Variants in CRB1 observed in about 807,000 individuals in gnomAD.
CRB1 encodes the protein protein crumbs homolog 1.
CRB1 carries 83 observed loss-of-function variants against 120.0 expected under a neutral mutation model. The observed-to-expected ratio is 0.69, with a 90% CI of 0.58 to 0.83. CRB1 has a LOEUF of 0.83. Among genes scored for constraint, CRB1 ranks in the 40% least tolerant of loss-of-function variants. The probability of loss-of-function intolerance (pLI) is 0.00; values close to 1 mark genes in which losing one functional copy is unlikely to be tolerated. For missense variants in CRB1, 1,699 were observed against 1,687.6 expected (o/e 1.01, Z -0.12); for synonymous variants, 625 against 612.5 (o/e 1.02, Z -0.30).
intron 6 of CRB1, among the ~76,000 whole-genome samples, chr1:197,424,741 G>T (rs138350174): frequency 6.6e-5 from 10 of 152,218 alleles, no homozygotes; most frequent in Middle Eastern, 6.8e-3. Context: ...TCTTATAAAC[G>T]CACATTTAGA....
At chr1:197,217,632 G>C in the CRB1 span, among the ~76,000 whole-genome samples, 1 of 152,112 alleles carries the variant, frequency 6.6e-6, no homozygotes, top group Admixed American at 6.6e-5. Context: ...TATAGAGTTG[G>C]AAAGTAGATT....
At chr1:197,260,268 T>A in the CRB1 span, among the ~76,000 whole-genome samples, 2 of 150,872 alleles carry the variant, frequency 1.3e-5, no homozygotes, top group African/African-American at 4.9e-5. Flanking sequence ...TTAAACAAAA[T>A]TTTTTTTTAT....
At chr1:197,265,336 T>G (rs1216524573), upstream of CRB1, among the ~76,000 whole-genome samples, 1 of 151,786 alleles carries the variant, frequency 6.6e-6, no homozygotes, top group Non-Finnish European at 1.5e-5. Context: ...CTTTTGTCCT[T>G]TCTTCCTTCC....
At chr1:197,265,932 A>C (rs996620857), upstream of CRB1, among the ~76,000 whole-genome samples, 1 of 152,150 alleles carries the variant, frequency 6.6e-6, no homozygotes, top group Non-Finnish European at 1.5e-5. Flanking sequence ...TGAGTATGTG[A>C]ATTCACTACT....
chr1:197,341,744 T>G (rs1659473791), intron 2 of CRB1, among the ~76,000 whole-genome samples: 1 of 152,206 alleles, frequency 6.6e-6, no homozygotes, highest in Non-Finnish European at 1.5e-5. Flanking sequence ...TCCCATGGCT[T>G]TTGCTGAAAC....
In CRB1 at chr1:197,477,647, G is replaced by T; in HGVS notation, c.4006-17G>T. On this transcript the variant is annotated splice_polypyrimidine_tract_variant and intron_variant, in intron 11 of 11. Transcript: ENST00000367400. ...TTTGCTATAGAATTCGCATCCCAAT[G>T]ATTTCAATCTTTCCAGTTGGCAGAT... 1.2e-6 allele frequency: 2 copies of T among 1,611,288 alleles called. No homozygotes were observed. The highest frequency in any genetic ancestry group is 1.7e-6 in the Non-Finnish European group (2 of 1,177,616).
chr1:197,309,507 C>A (rs1276402870), intron 1 of CRB1, among the ~76,000 whole-genome samples: 3 of 152,216 alleles, frequency 2.0e-5, no homozygotes. Flanking sequence ...GTAATCCCAG[C>A]ACTTTGGGAG....
intron 5 of CRB1, among the ~76,000 whole-genome samples, chr1:197,393,028 C>G (rs1307738529): frequency 1.3e-5 from 2 of 151,894 alleles, no homozygotes; most frequent in East Asian, 3.9e-4. Flanking sequence ...GCAATAATAA[C>G]AAAATATATA....
chr1:197,423,854 T>A (rs1296445022), intron 6 of CRB1, among the ~76,000 whole-genome samples: 2 of 152,192 alleles, frequency 1.3e-5, no homozygotes, highest in African/African-American at 4.8e-5. Flanking sequence ...TGATCTTTTT[T>A]AAATAATCTA....
chr1:197,457,675 G>A (rs1571606612), intron 11 of CRB1, among the ~76,000 whole-genome samples: 1 of 152,120 alleles, frequency 6.6e-6, no homozygotes, highest in East Asian at 1.9e-4. Context: ...CATTCCCAGG[G>A]CTGGCGGTAG....
At chr1:197,458,840 C>T (rs560463802) in intron 11 of CRB1, among the ~76,000 whole-genome samples, 1 of 152,232 alleles carries the variant, frequency 6.6e-6, no homozygotes, top group East Asian at 1.9e-4. Flanking sequence ...AACTACAAAA[C>T]ATCCTGAAAA....
intron 8 of CRB1, among the ~76,000 whole-genome samples, chr1:197,430,806 T>C (rs944298457): frequency 2.0e-4 from 31 of 152,180 alleles, no homozygotes; most frequent in African/African-American, 7.2e-5. Context: ...TTCTTGCTCA[T>C]AAATATTTGT....
chr1:197,360,834 C>T (rs1051853792), intron 5 of CRB1, among the ~76,000 whole-genome samples: 4 of 152,158 alleles, frequency 2.6e-5, no homozygotes, highest in Non-Finnish European at 5.9e-5. Flanking sequence ...TGAGAGCAGA[C>T]GTCTTGCTTC....
At chr1:197,388,381 G>GA (rs1220470338) in intron 5 of CRB1, among the ~76,000 whole-genome samples, 5 of 151,608 alleles carry the variant, frequency 3.3e-5, no homozygotes, top group Non-Finnish European at 7.4e-5. Flanking sequence ...GGGAGACTAA[G>GA]AAAAAAAACT....
At chr1:197,415,864 G>C (rs1190159994) in intron 5 of CRB1, among the ~76,000 whole-genome samples, 2 of 151,840 alleles carry the variant, frequency 1.3e-5, no homozygotes, top group Non-Finnish European at 2.9e-5. Context: ...GGATGGTCTC[G>C]ATCTCCTGAT....
intron 11 of CRB1, among the ~76,000 whole-genome samples, chr1:197,447,253 G>A (rs1403096305): frequency 6.6e-6 from 1 of 152,164 alleles, no homozygotes; most frequent in Admixed American, 6.5e-5. Flanking sequence ...GATGGCAGAG[G>A]TAGCCTTCGA....
At chr1:197,279,373 A>T (rs1023039613) in intron 1 of CRB1, among the ~76,000 whole-genome samples, 3 of 152,000 alleles carry the variant, frequency 2.0e-5, no homozygotes, top group Non-Finnish European at 4.4e-5. Context: ...CAGCCTACTC[A>T]TTATAGTATT....
At chr1:197,474,538 T>A (rs947252118) in intron 11 of CRB1, among the ~76,000 whole-genome samples, 5 of 152,214 alleles carry the variant, frequency 3.3e-5, no homozygotes, top group African/African-American at 4.8e-5. Context: ...TCAACCTGAA[T>A]TGAGGTACTA....
At chr1:197,304,622 T>C (rs1366669833) in intron 1 of CRB1, among the ~76,000 whole-genome samples, 1 of 152,194 alleles carries the variant, frequency 6.6e-6, no homozygotes, top group East Asian at 1.9e-4. Context: ...TTCCTTGCAG[T>C]AGGGTTCTAC....
Sources: gnomAD v4.1 joint callset for allele counts (sites outside exome capture counted in the v4.1 genomes callset) on GRCh38, gnomAD v4.1.1 for gene constraint, MANE v1.5 for transcripts, NCBI Gene and HGNC (gene_info 2026-07-23, HGNC 2026-07-21) for gene names.